Variants in DRC10 observed in about 807,000 individuals in gnomAD.
The protein encoded by DRC10 is dynein regulatory complex subunit 10.
the DRC10 span, chr12:113,200,529 TC>T: frequency 3.9e-4 from 216 of 558,352 alleles, 1 homozygote; most frequent in East Asian, 1.3e-3. Flanking sequence ...GTCCCACCCA[TC>T]CCCCCCACCA....
the DRC10 span, among the ~76,000 whole-genome samples, chr12:113,208,674 C>T: frequency 6.6e-6 from 1 of 152,108 alleles, no homozygotes; most frequent in Non-Finnish European, 1.5e-5. Context: ...TGAACCACAG[C>T]CATCAGTTCC....
chr12:113,207,553 G>A, the DRC10 span: 23 of 1,613,922 alleles, frequency 1.4e-5, no homozygotes, highest in Middle Eastern at 1.6e-4. Flanking sequence ...CTTATCCCTC[G>A]CTTCCATGGG....
chr12:113,197,539 A>G, the DRC10 span: 1 of 1,527,430 alleles, frequency 6.5e-7, no homozygotes, highest in South Asian at 1.2e-5. Flanking sequence ...AGCGACAAAT[A>G]CCTGCTTCTC....
chr12:113,195,778 G>T, the DRC10 span: 1 of 1,613,734 alleles, frequency 6.2e-7, no homozygotes. Context: ...TTGATCTCCC[G>T]CTCTTCCCGG....
chr12:113,218,571 T>A, the DRC10 span, among the ~76,000 whole-genome samples: 1 of 152,168 alleles, frequency 6.6e-6, no homozygotes, highest in Non-Finnish European at 1.5e-5. Context: ...GCCTTCTGAA[T>A]AGTTGGGACT....
the DRC10 span, among the ~76,000 whole-genome samples, chr12:113,220,320 A>C: frequency 1.3e-5 from 2 of 152,178 alleles, no homozygotes; most frequent in Admixed American, 1.3e-4. Flanking sequence ...CAATGGCGCT[A>C]TCTTGGCTTA....
chr12:113,208,007 A>T, the DRC10 span: 1 of 1,614,178 alleles, frequency 6.2e-7, no homozygotes, highest in South Asian at 1.1e-5. Context: ...TCCAGGATGG[A>T]CATGATCCTT....
chr12:113,208,174 G>A, the DRC10 span: 2 of 1,606,716 alleles, frequency 1.2e-6, no homozygotes, highest in Non-Finnish European at 1.7e-6. Context: ...CATCTTGTGA[G>A]CAGCCCTCTG....
chr12:113,201,685 CT>C, the DRC10 span, among the ~76,000 whole-genome samples: 1 of 152,214 alleles, frequency 6.6e-6, no homozygotes, highest in African/African-American at 2.4e-5. Context: ...GCTCTCAAGG[CT>C]TCTCACTACA....
the DRC10 span, among the ~76,000 whole-genome samples, chr12:113,214,231 G>A: frequency 6.6e-6 from 1 of 151,980 alleles, no homozygotes; most frequent in Admixed American, 6.6e-5. Flanking sequence ...TGTTGCGGTT[G>A]GGCTCAGTGG....
chr12:113,212,748 C>T, the DRC10 span, among the ~76,000 whole-genome samples: 4 of 152,138 alleles, frequency 2.6e-5, no homozygotes, highest in East Asian at 1.9e-4. Context: ...CTGACTCTGA[C>T]GACAAAAATG....
the DRC10 span, among the ~76,000 whole-genome samples, chr12:113,218,727 C>T: frequency 3.9e-5 from 6 of 152,032 alleles, no homozygotes; most frequent in African/African-American, 1.4e-4. Context: ...GGATTACAGG[C>T]GTGAGCCACT....
chr12:113,207,864 G>A, the DRC10 span: 1 of 1,614,088 alleles, frequency 6.2e-7, no homozygotes, highest in Non-Finnish European at 8.5e-7. Flanking sequence ...CGTTTTCAAG[G>A]AGGACCTGGC....
the DRC10 span, chr12:113,200,233 A>C: frequency 4.7e-6 from 2 of 425,712 alleles, no homozygotes; most frequent in East Asian, 1.1e-4. Context: ...ATTCCTTTGC[A>C]GGGCACCCAG....
chr12:113,203,812 G>A, the DRC10 span, among the ~76,000 whole-genome samples: 48 of 139,664 alleles, frequency 3.4e-4, no homozygotes, highest in Non-Finnish European at 6.4e-4. Context: ...TGTAGAGATG[G>A]GGTTTCACCC....
chr12:113,195,923 A>G, the DRC10 span: 1 of 1,561,098 alleles, frequency 6.4e-7, no homozygotes, highest in Non-Finnish European at 8.7e-7. Flanking sequence ...GTCACCACAC[A>G]TAGAGTGCCT....
chr12:113,203,644 T>G, the DRC10 span, among the ~76,000 whole-genome samples: 391 of 152,014 alleles, frequency 2.6e-3, 2 homozygotes, highest in African/African-American at 9.1e-3. Flanking sequence ...CCCAGCTAAT[T>G]TTTATATTAT....
the DRC10 span, among the ~76,000 whole-genome samples, chr12:113,217,679 G>A: frequency 5.9e-5 from 9 of 152,264 alleles, no homozygotes; most frequent in African/African-American, 1.4e-4. Flanking sequence ...TTACAGGTGC[G>A]TGTTACCACG....
At chr12:113,206,754 T>TA in the DRC10 span, among the ~76,000 whole-genome samples, 3,013 of 141,698 alleles carry the variant, frequency 0.021, 58 homozygotes, top group East Asian at 0.063. Context: ...GACTCCATCT[T>TA]AAAAAAAAAA....
Sources: gnomAD v4.1 joint callset for allele counts (sites outside exome capture counted in the v4.1 genomes callset) on GRCh38, gnomAD v4.1.1 for gene constraint, MANE v1.5 for transcripts, NCBI Gene and HGNC (gene_info 2026-07-23, HGNC 2026-07-21) for gene names.